CSPG4: variants seen among roughly 807,000 people sequenced by gnomAD.
The protein encoded by CSPG4 is chondroitin sulfate proteoglycan 4.
A neutral mutation model predicts 139.3 loss-of-function variants in CSPG4; 74 were observed. That is an observed-to-expected ratio of 0.53 (90% confidence interval 0.44 to 0.64). The LOEUF is 0.64. Among genes scored for constraint, CSPG4 ranks in the 30% least tolerant of loss-of-function variants. The pLI is 0.00. For synonymous variants in CSPG4, 1,234 were observed against 1,394.2 expected, an observed-to-expected ratio of 0.89 and a Z score of 2.56; for missense variants, 2,565 against 3,148.3, an observed-to-expected ratio of 0.81 and a Z score of 4.43.
chr15:75,686,096 C>T (rs1209918082), intron 3 of CSPG4, among the ~76,000 whole-genome samples: 2 of 152,094 alleles, frequency 1.3e-5, no homozygotes, highest in Non-Finnish European at 2.9e-5. Flanking sequence ...CACTGGGTTG[C>T]CCCGGCTGCT....
Position 75,688,511 on chromosome 15 carries a change from T to C in CSPG4, c.2554A>G (p.Ile852Val), listed in dbSNP as rs1272426237. ...SDGQGFTQDD[I>V]QAGRVTYGAT... ...CCATAGGTCACCCGGCCAGCCTGTA[T>C]GTCATCCTGGGTGAAGCCCTGGCCA... The change falls in exon 3 of 10, where the codon ATA (isoleucine) becomes GTA (valine). Residue 852 changes from isoleucine to valine, a missense_variant. Ile to Val is a conservative substitution (Grantham distance 29). Around this residue, in one of 5 missense-constraint regions of CSPG4, gnomAD observed 2,316 missense variants for 2,818.2 expected, o/e 0.82. Transcript: ENST00000308508. 1 of 1,613,108 alleles carries C rather than the reference T, an allele frequency of 6.2e-7. No individual in the cohort carries two copies. Among genetic ancestry groups the C allele is most frequent in the Non-Finnish European group, 8.5e-7 (1 of 1,180,046 alleles).
At chr15:75,706,679 AG>A in intron 1 of CSPG4, among the ~76,000 whole-genome samples, 1 of 152,258 alleles carries the variant, frequency 6.6e-6, no homozygotes, top group Middle Eastern at 3.4e-3. Context: ...ATGGGGGAAA[AG>A]GGAAGGCCTG....
In CSPG4 at chr15:75,675,052, A is replaced by T. The variant is rs1008404723; in HGVS notation, c.*498T>A. The T allele has an allele frequency of 2.9e-5, 11 of 381,364 alleles. No individual in the cohort carries two copies. The highest frequency in any genetic ancestry group is 4.5e-5 in the Admixed American group (1 of 22,126). The allele number at this position is 381,364 out of a possible 1,614,324, so 23.6% of individuals were successfully genotyped here. ...CCAGGGGATACCATCTCCCTAAAAA[A>T]CCAGGGGAGGAAGTTTTTTTCTCAA... On this transcript the variant is annotated 3_prime_UTR_variant, in exon 10 of 10. Coordinates refer to ENST00000308508, the MANE Select transcript of CSPG4 (RefSeq NM_001897.5).
chr15:75,676,467 A>G lies in CSPG4; in HGVS notation c.6052T>C (p.Ser2018Pro). The change falls in exon 10 of 10, where the codon TCC (serine) becomes CCC (proline). Residue 2018 changes from serine (S) to proline (P), a missense_variant. This residue lies in a region of CSPG4 where 2,316 missense variants were observed against 2,818.2 expected (regional missense o/e 0.82). Coordinates refer to ENST00000308508, the MANE Select transcript of CSPG4 (RefSeq NM_001897.5). ...ACTCTGAAGTGGTCATGAGAGGAGG[A>G]GAAGTTGGTGAAGGCAAAGACCACC... Reference protein sequence around the residue: ...GEVVFAFTNFSSSHDHFRVLA... With the variant: ...GEVVFAFTNFPSSHDHFRVLA... 3 of 1,613,944 alleles carry G rather than the reference A, an allele frequency of 1.9e-6. No homozygotes were observed. Among genetic ancestry groups the G allele is most frequent in the Non-Finnish European group, 2.5e-6 (3 of 1,180,010 alleles).
chr15:75,706,653 A>T (rs1245426240), intron 1 of CSPG4, among the ~76,000 whole-genome samples: 1 of 152,052 alleles, frequency 6.6e-6, no homozygotes, highest in Non-Finnish European at 1.5e-5. Flanking sequence ...GCGATACTGG[A>T]GCTGAGCCTT....
At position 75,682,988 on chromosome 15, in the gene CSPG4, G is replaced by C; in HGVS notation, c.4503C>G (p.Asp1501Glu). ...PIPAEALRST[D>E]GDSGSEDLVY... ...CCAGATCCTCAGACCCAGAGTCGCCGTCCGTGCTCCTCAGAGCCTCCGCAG... is the reference window on the plus strand; with the variant it reads ...CCAGATCCTCAGACCCAGAGTCGCCCTCCGTGCTCCTCAGAGCCTCCGCAG... Residue 1501 changes from aspartate to glutamate, a missense_variant, in exon 6 of 10, where the codon GAC (aspartate) becomes GAG (glutamate). By Grantham distance (45) the Asp-to-Glu change is conservative. This residue lies in a region of CSPG4 where 2,316 missense variants were observed against 2,818.2 expected (regional missense o/e 0.82). Coordinates refer to ENST00000308508, the MANE Select transcript of CSPG4 (RefSeq NM_001897.5). 1 of 1,611,346 alleles carries C rather than the reference G, an allele frequency of 6.2e-7. No individual in the cohort carries two copies. Among genetic ancestry groups the C allele is most frequent in the South Asian group, 1.1e-5 (1 of 91,004 alleles).
At chr15:75,695,201 C>T (rs771426043) in intron 1 of CSPG4, among the ~76,000 whole-genome samples, 13 of 152,194 alleles carry the variant, frequency 8.5e-5, no homozygotes, top group African/African-American at 2.4e-4. Context: ...CCTACCCACC[C>T]TTGCACTAAA....
At chr15:75,703,676 C>T (rs145928765) in intron 1 of CSPG4, among the ~76,000 whole-genome samples, 3,022 of 147,982 alleles carry the variant, frequency 0.02, 65 homozygotes, top group Middle Eastern at 0.038. Context: ...TGGTCTCTGG[C>T]TTGTTATGGA....
rs187992690 is a variant in CSPG4, at chr15:75,703,524, C to G, written c.88+9144G>C. Among the ~76,000 whole-genome samples, 52 of 152,196 alleles carry G rather than the reference C, an allele frequency of 3.4e-4. No homozygotes were observed. In the East Asian group the frequency reaches 9.7e-3, roughly 28 times the overall value. ...CCTCCAGGGTCTAGGGGCTGGAGAC[C>G]CTCCGTTCCCGGCAGTCTCCACGGG... On this transcript the variant is annotated intron_variant, in intron 1 of 9. Coordinates refer to ENST00000308508, the MANE Select transcript of CSPG4 (RefSeq NM_001897.5).
At chr15:75,684,343 T>C (rs1248052656) in intron 5 of CSPG4, among the ~76,000 whole-genome samples, 2 of 152,244 alleles carry the variant, frequency 1.3e-5, no homozygotes, top group Non-Finnish European at 2.9e-5. Context: ...GTGCAGGAGT[T>C]TGGGGAGCCA....
At chr15:75,708,936 C>T (rs1294037480) in intron 1 of CSPG4, among the ~76,000 whole-genome samples, 1 of 152,124 alleles carries the variant, frequency 6.6e-6, no homozygotes, top group Non-Finnish European at 1.5e-5. Flanking sequence ...GTGGGGAGAT[C>T]GCTTGAGCCT....
chr15:75,685,843 A>T lies in CSPG4; in HGVS notation c.3790-142T>A. On this transcript the variant is annotated intron_variant, in intron 3 of 9. Transcript: ENST00000308508. Reference sequence around the variant, plus strand: ...TACCACTGCTCATTTAGACACACAAACACACACGTGGGTTCACACACACAG... The same window carrying T: ...TACCACTGCTCATTTAGACACACAATCACACACGTGGGTTCACACACACAG... 7 of 922,762 alleles carry T rather than the reference A, an allele frequency of 7.6e-6. No homozygotes were observed. In the South Asian group the frequency reaches 1.3e-4, roughly 17 times the overall value. 57.2% of individuals were successfully genotyped at this position (922,762 alleles called of 1,614,324 possible). A position where few individuals can be genotyped will look rare whatever the true frequency, so the allele number is the denominator to read the frequency against.
At chr15:75,684,051 C>T (rs546274304) in intron 5 of CSPG4, among the ~76,000 whole-genome samples, 1 of 151,162 alleles carries the variant, frequency 6.6e-6, no homozygotes, top group South Asian at 2.1e-4. Context: ...GCCCCAGGCA[C>T]CCCATGCCAG....
intron 9 of CSPG4, 123 bp downstream of exon 9, chr15:75,677,580 C>A: frequency 7.8e-7 from 1 of 1,274,226 alleles, no homozygotes. Flanking sequence ...ACTCACCCTC[C>A]CTGTGACTTC....
chr15:75,684,464 ACAG>A (rs1894023879), intron 5 of CSPG4, among the ~76,000 whole-genome samples: 1 of 152,214 alleles, frequency 6.6e-6, no homozygotes, highest in Non-Finnish European at 1.5e-5. Flanking sequence ...GTCCTTAGCC[ACAG>A]AAGAAGGAAC....
chr15:75,699,803 C>T (rs1199384441), intron 1 of CSPG4, among the ~76,000 whole-genome samples: 6 of 152,216 alleles, frequency 3.9e-5, no homozygotes, highest in East Asian at 1.9e-4. Flanking sequence ...GGGGTGGCTG[C>T]GGTGGGGAGC....
In CSPG4 at chr15:75,684,497, G is replaced by A. The variant is rs538105748; in HGVS notation, c.4449+239C>T. Among the ~76,000 whole-genome samples the A allele has an allele frequency of 9.0e-4, 137 of 152,356 alleles. 4 individuals carry two copies. In the South Asian group the frequency reaches 0.014, roughly 16 times the overall value. On this transcript the variant is annotated intron_variant, in intron 5 of 9. Transcript: ENST00000308508. ...AGGAACAGCAGAGCCACCCGTGGCC[G>A]CTCAGAAGTCTGCCTACCATACTTG...
intron 1 of CSPG4, among the ~76,000 whole-genome samples, chr15:75,705,031 TCTC>T (rs1295914774): frequency 6.6e-6 from 1 of 152,150 alleles, no homozygotes; most frequent in Non-Finnish European, 1.5e-5. Context: ...CTCATTCTCT[TCTC>T]CTCACTCACC....
chr15:75,709,039 T>A (rs1267758046), intron 1 of CSPG4, among the ~76,000 whole-genome samples: 2 of 152,106 alleles, frequency 1.3e-5, no homozygotes, highest in Non-Finnish European at 1.5e-5. Flanking sequence ...CTATGGGGTG[T>A]CCCTGAAGGT....
Sources: allele counts gnomAD v4.1 joint callset (sites outside exome capture counted in the v4.1 genomes callset), GRCh38; gene constraint gnomAD v4.1.1; regional missense constraint gnomAD v4.1.1; transcripts MANE v1.5; gene names NCBI Gene and HGNC (gene_info 2026-07-23, HGNC 2026-07-21).